The following GYS1 variants were observed in gnomAD, a reference collection of about 807,000 sequenced individuals.
The protein encoded by GYS1 is glycogen [starch] synthase, muscle.
In GYS1, 60 loss-of-function variants were observed where a neutral mutation model predicts 89.1. The ratio of observed to expected loss-of-function variants is 0.67; its 90% confidence interval spans 0.55 to 0.84. GYS1 has a LOEUF of 0.84. GYS1 is among the 40% of genes least tolerant of loss of function. GYS1 has a pLI of 0.00. For missense variants in GYS1, 888 were observed against 1,003.1 expected (o/e 0.89, Z 1.55); for synonymous variants, 366 against 401.7 (o/e 0.91, Z 1.06).
At chr19:48,981,331 T>G (rs901572991) in intron 8 of GYS1, 199 bp downstream of exon 8, 1 of 579,932 alleles carries the variant, frequency 1.7e-6, no homozygotes, top group South Asian at 1.9e-5. Flanking sequence ...ATGACTTGCT[T>G]GAACCCAGGA....
At chr19:48,989,241 G>A (rs1477407814) in intron 2 of GYS1, among the ~76,000 whole-genome samples, 2 of 151,844 alleles carry the variant, frequency 1.3e-5, no homozygotes, top group Admixed American at 6.6e-5. Context: ...TAGCTCTTTG[G>A]GGGGCCGAGG....
intron 5 of GYS1, among the ~76,000 whole-genome samples, chr19:48,983,934 C>A (rs2038802873): frequency 6.6e-6 from 1 of 152,152 alleles, no homozygotes; most frequent in Non-Finnish European, 1.5e-5. Flanking sequence ...AGCTGTAGTT[C>A]TCTATTCTTT....
intron 12 of GYS1, among the ~76,000 whole-genome samples, chr19:48,971,239 C>G (rs891643868): frequency 4.6e-5 from 7 of 152,160 alleles, no homozygotes; most frequent in Non-Finnish European, 1.0e-4. Flanking sequence ...GCTCTTGCTC[C>G]AAGATGCGGG....
intron 11 of GYS1, 35 bp from the exon 12 acceptor site, chr19:48,974,374 C>T: frequency 6.2e-7 from 1 of 1,612,448 alleles, no homozygotes; most frequent in Non-Finnish European, 8.5e-7. Context: ...GCCCAAGTGC[C>T]TTATTTAGCT....
chr19:48,972,196 G>C (rs1170799912), intron 12 of GYS1, among the ~76,000 whole-genome samples: 4 of 151,922 alleles, frequency 2.6e-5, no homozygotes, highest in Admixed American at 6.6e-5. Flanking sequence ...AAATTAGCTG[G>C]GTGTGGTGGC....
In GYS1 at chr19:48,968,931, C is replaced by CG. The variant is rs925377438; in HGVS notation, c.*356dup. 17 of 515,310 alleles carry CG rather than the reference C, an allele frequency of 3.3e-5. No homozygotes were observed. Among genetic ancestry groups the CG allele is most frequent in the African/African-American group, 3.1e-4 (16 of 52,408 alleles). 31.9% of individuals were successfully genotyped at this position (515,310 alleles called of 1,614,324 possible). ...TATGCTGTAGAATTTGTAAGCCACA[C>CG]GGGGGGCTCTAAAAGCCCCAGACCT... On this transcript the variant is annotated 3_prime_UTR_variant, in exon 16 of 16. Coordinates refer to ENST00000323798, the MANE Select transcript of GYS1 (RefSeq NM_002103.5).
At chr19:48,978,259 CTT>C (rs962866093) in intron 8 of GYS1, 102 bp from the exon 9 acceptor site, 6 of 1,034,200 alleles carry the variant, frequency 5.8e-6, no homozygotes, top group Admixed American at 5.2e-5. Context: ...GAGTTTGGCT[CTT>C]GTTGCCCAGG....
At chr19:48,979,523 G>A (rs781611548) in intron 8 of GYS1, among the ~76,000 whole-genome samples, 11 of 151,086 alleles carry the variant, frequency 7.3e-5, no homozygotes, top group African/African-American at 1.7e-4. Context: ...TTTTAGTACC[G>A]ATGGGATTTC....
intron 12 of GYS1, among the ~76,000 whole-genome samples, chr19:48,971,740 T>G (rs1025903913): frequency 2.0e-4 from 30 of 151,888 alleles, no homozygotes; most frequent in African/African-American, 2.7e-4. Flanking sequence ...TTTTTTAGTA[T>G]AGACAGGGTT....
At chr19:48,982,126 C>G in intron 7 of GYS1, 129 bp downstream of exon 7, 1 of 949,892 alleles carries the variant, frequency 1.1e-6, no homozygotes, top group Admixed American at 1.7e-5. Flanking sequence ...CTCCTGGGCT[C>G]AAGTGATCCT....
intron 6 of GYS1, 45 bp from the exon 7 acceptor site, chr19:48,982,420 C>G (rs529424710): frequency 2.5e-6 from 4 of 1,612,304 alleles, no homozygotes; most frequent in Non-Finnish European, 2.5e-6. Flanking sequence ...CCCTCACCCG[C>G]TAGCCCTGGC....
intron 4 of GYS1, 44 bp downstream of exon 4, chr19:48,985,806 C>T (rs2038833458): frequency 6.2e-7 from 1 of 1,606,072 alleles, no homozygotes; most frequent in Non-Finnish European, 8.5e-7. Context: ...TTTGGGTTTT[C>T]CTGGCATACT....
rs2122549916 is a variant in GYS1 at position 48,993,044 on chromosome 19, G to A, written c.69C>T (p.Asp23=). ...CTTCGAAGAGCACTGCGTTCTCCAGGTCGAATTCATCCTCCCAGTCCTCCA... is the reference window on the plus strand; with the variant it reads ...CTTCGAAGAGCACTGCGTTCTCCAGATCGAATTCATCCTCCCAGTCCTCCA... ...PGLEDWEDEF[D]LENAVLFEVA... Residue 23 remains aspartate, a synonymous_variant, in exon 1 of 16, where the codon GAC becomes GAT. Coordinates refer to ENST00000323798, the MANE Select transcript of GYS1 (RefSeq NM_002103.5). 6.2e-7 allele frequency: 1 copy of A among 1,613,584 alleles called. No individual in the cohort carries two copies. Among genetic ancestry groups the A allele is most frequent in the Non-Finnish European group, 8.5e-7 (1 of 1,179,540 alleles).
At chr19:48,979,330 T>C (rs2038710753) in intron 8 of GYS1, among the ~76,000 whole-genome samples, 1 of 108,364 alleles carries the variant, frequency 9.2e-6, no homozygotes, top group Non-Finnish European at 1.9e-5. Context: ...TTTTCTTTTT[T>C]CTTTTCTTTT....
At chr19:48,974,925 TTTAAATTATTA>T (rs1244046007) in intron 10 of GYS1, among the ~76,000 whole-genome samples, 192 bp from the exon 11 acceptor site, 1 of 138,910 alleles carries the variant, frequency 7.2e-6, no homozygotes, top group Non-Finnish European at 1.6e-5. Flanking sequence ...TTTCTTTTCT[TTTAAATTATTA>T]TTATTTATTT....
intron 7 of GYS1, 80 bp from the exon 8 acceptor site, chr19:48,981,716 T>G: frequency 1.2e-6 from 1 of 867,156 alleles, no homozygotes. Flanking sequence ...TCAAGACCAC[T>G]GGGATCCTGC....
In GYS1 at chr19:48,969,122, C is replaced by T; in HGVS notation, c.*166G>A. ...CTTTGTGGATTCTGGAGTGCAGGAACTTGGAAACTGGAGCTGGAGGGGGTG... is the reference window on the plus strand; with the variant it reads ...CTTTGTGGATTCTGGAGTGCAGGAATTTGGAAACTGGAGCTGGAGGGGGTG... On this transcript the variant is annotated 3_prime_UTR_variant, in exon 16 of 16. Transcript: ENST00000323798. 1.5e-6 allele frequency: 1 copy of T among 657,216 alleles called. No individual in the cohort carries two copies. The allele number at this position is 657,216 out of a possible 1,614,324, so 40.7% of individuals were successfully genotyped here.
At chr19:48,988,353 A>C (rs563814350) in intron 2 of GYS1, among the ~76,000 whole-genome samples, 1 of 152,116 alleles carries the variant, frequency 6.6e-6, no homozygotes, top group African/African-American at 2.4e-5. Flanking sequence ...TTTTGTTTTC[A>C]GACAGGGTCT....
intron 2 of GYS1, among the ~76,000 whole-genome samples, chr19:48,989,954 GCT>G (rs1568626138): frequency 6.9e-6 from 1 of 145,678 alleles, no homozygotes; most frequent in East Asian, 2.1e-4. Context: ...CTGGAGCCTC[GCT>G]CTGAGGTCCC....
Sources: gnomAD v4.1 joint callset for allele counts (sites outside exome capture counted in the v4.1 genomes callset) on GRCh38, gnomAD v4.1.1 for gene constraint, MANE v1.5 for transcripts, NCBI Gene and HGNC (gene_info 2026-07-23, HGNC 2026-07-21) for gene names.